The following B3GALT1 variants were observed in gnomAD, a reference collection of about 807,000 sequenced individuals.
The protein encoded by B3GALT1 is beta-1,3-galactosyltransferase 1.
Under a neutral mutation model 23.2 loss-of-function variants are expected in B3GALT1, and 10 were observed. The observed-to-expected ratio is 0.43, with a 90% CI of 0.27 to 0.73. The LOEUF (loss-of-function observed/expected upper bound fraction) is 0.73, where lower values mean the gene tolerates loss of function less well. Ranked by LOEUF, B3GALT1 falls within the 30% of genes least tolerant of loss-of-function variation. The probability of loss-of-function intolerance (pLI) is 0.21; values close to 1 mark genes in which losing one functional copy is unlikely to be tolerated. For missense variants in B3GALT1, 299 were observed against 405.4 expected, an observed-to-expected ratio of 0.74 and a Z score of 2.25; for synonymous variants, 156 against 141.5, an observed-to-expected ratio of 1.10 and a Z score of -0.73.
At chr2:167,599,025 T>C (rs73013389) in intron 2 of B3GALT1, among the ~76,000 whole-genome samples, 1,603 of 152,290 alleles carry the variant, frequency 0.011, 34 homozygotes, top group African/African-American at 0.036. Flanking sequence ...AGAGAGATCA[T>C]CTGGTCCAAA....
rs748943097 is a variant in B3GALT1 at position 167,869,663 on chromosome 2, T to C, written c.624T>C (p.Ile208=). 1 of 1,614,196 alleles carries C rather than the reference T, an allele frequency of 6.2e-7. No homozygotes were observed. Among genetic ancestry groups the C allele is most frequent in the Non-Finnish European group, 8.5e-7 (1 of 1,180,036 alleles). ...PRRRYFTGYV[I]NGGPIRDVRS... is the part of the protein sequence containing the mutation. ...GAAGGTATTTTACTGGCTATGTCAT[T>C]AATGGAGGACCGATTCGGGATGTCC... Residue 208 remains isoleucine (I), a synonymous_variant, in exon 5 of 5, where the codon ATT becomes ATC. Coordinates refer to ENST00000392690, the MANE Select transcript of B3GALT1 (RefSeq NM_020981.4). This position sits in a 1 kb window ranked among gnomAD's most constrained non-coding sequence, Gnocchi z 6.4.
intron 4 of B3GALT1, among the ~76,000 whole-genome samples, chr2:167,850,939 A>T (rs1055721103): frequency 1.3e-5 from 2 of 152,172 alleles, no homozygotes; most frequent in Non-Finnish European, 2.9e-5. Flanking sequence ...GTATCCAAAT[A>T]CCACCTGTGC....
intron 3 of B3GALT1, among the ~76,000 whole-genome samples, chr2:167,747,028 T>C (rs998809150): frequency 2.0e-5 from 3 of 152,304 alleles, no homozygotes; most frequent in East Asian, 1.9e-4. Context: ...CCCTTCCCCA[T>C]ATCGTACCTC....
At chr2:167,367,719 A>C (rs1697611839) in intron 1 of B3GALT1, among the ~76,000 whole-genome samples, 2 of 152,186 alleles carry the variant, frequency 1.3e-5, no homozygotes, top group Non-Finnish European at 2.9e-5. Context: ...ATTTGATCAA[A>C]AATTTGAGCA....
chr2:167,670,388 G>C (rs1027587828), intron 3 of B3GALT1, among the ~76,000 whole-genome samples: 1 of 152,210 alleles, frequency 6.6e-6, no homozygotes, highest in Non-Finnish European at 1.5e-5. Flanking sequence ...CTTTAGCCAA[G>C]CTGATGGTAG....
chr2:167,655,452 T>C (rs991567142), intron 3 of B3GALT1, among the ~76,000 whole-genome samples: 1 of 152,156 alleles, frequency 6.6e-6, no homozygotes, highest in Non-Finnish European at 1.5e-5. Flanking sequence ...CATGCAAATT[T>C]CAAAATTAAC....
chr2:167,614,119 A>T (rs1474547344), intron 2 of B3GALT1, among the ~76,000 whole-genome samples: 3 of 151,832 alleles, frequency 2.0e-5, no homozygotes, highest in Non-Finnish European at 4.4e-5. Context: ...CAAAATTACT[A>T]TTATTTGTGC....
At chr2:167,789,231 G>T (rs1018481963) in intron 3 of B3GALT1, among the ~76,000 whole-genome samples, 6 of 152,122 alleles carry the variant, frequency 3.9e-5, no homozygotes, top group African/African-American at 1.4e-4. Flanking sequence ...TGTCTTTGTG[G>T]CTTTGTCGTA....
chr2:167,685,786 C>T (rs1177289671), intron 3 of B3GALT1, among the ~76,000 whole-genome samples: 2 of 152,140 alleles, frequency 1.3e-5, no homozygotes, highest in African/African-American at 4.8e-5. Context: ...CTCAATGGCC[C>T]CCAAACCCTG....
At chr2:167,836,083 A>G (rs1310550361) in intron 4 of B3GALT1, among the ~76,000 whole-genome samples, 2 of 152,226 alleles carry the variant, frequency 1.3e-5, no homozygotes, top group African/African-American at 4.8e-5. Flanking sequence ...AGATGGGGAA[A>G]AAACAGAGCA....
intron 3 of B3GALT1, among the ~76,000 whole-genome samples, chr2:167,763,362 T>C (rs1323944224): frequency 6.6e-6 from 1 of 152,226 alleles, no homozygotes; most frequent in African/African-American, 2.4e-5. Context: ...CAACTTTGTT[T>C]AATCAGTTTA....
chr2:167,556,258 C>G (rs916532371), intron 2 of B3GALT1, among the ~76,000 whole-genome samples: 1 of 152,038 alleles, frequency 6.6e-6, no homozygotes, highest in African/African-American at 2.4e-5. Context: ...TAAAAAAATA[C>G]TGCTGTAACT....
intron 1 of B3GALT1, among the ~76,000 whole-genome samples, chr2:167,427,945 A>C (rs942989377): frequency 6.6e-5 from 10 of 152,216 alleles, no homozygotes; most frequent in African/African-American, 1.7e-4. Flanking sequence ...AAAAGCAAGA[A>C]ATATTTGCAA....
Position 167,431,868 on chromosome 2 carries a change from G to A in B3GALT1, c.-510-58309G>A, listed in dbSNP as rs973251202. 7.2e-5 allele frequency among the ~76,000 whole-genome samples: 11 copies of A among 152,294 alleles called. 1 individual carries two copies. In the South Asian group the frequency reaches 1.2e-3, roughly 17 times the overall value. Reference sequence around the variant, plus strand: ...ATTCTAAGAAAAATATCTAGAAAGTGTAAAAGTAGGAGAAAATCCACAACA... The same window carrying A: ...ATTCTAAGAAAAATATCTAGAAAGTATAAAAGTAGGAGAAAATCCACAACA... On this transcript the variant is annotated intron_variant, in intron 1 of 4. Transcript: ENST00000392690.
At chr2:167,589,489 G>A (rs891867101) in intron 2 of B3GALT1, among the ~76,000 whole-genome samples, 1 of 152,082 alleles carries the variant, frequency 6.6e-6, no homozygotes, top group Non-Finnish European at 1.5e-5. Context: ...CTTACAAGGT[G>A]TAAGGTAAAG....
chr2:167,316,895 C>A (rs996806218), intron 1 of B3GALT1, among the ~76,000 whole-genome samples: 2 of 152,072 alleles, frequency 1.3e-5, no homozygotes, highest in African/African-American at 4.8e-5. Context: ...ACACACCTTC[C>A]ACAAAATTTT....
intron 1 of B3GALT1, among the ~76,000 whole-genome samples, chr2:167,327,115 T>C (rs2105497504): frequency 6.6e-6 from 1 of 152,268 alleles, no homozygotes; most frequent in Admixed American, 6.5e-5. Context: ...CATTGATCTA[T>C]ATGTTTAATT....
chr2:167,403,882 G>A (rs1354147291), intron 1 of B3GALT1, among the ~76,000 whole-genome samples: 1 of 152,086 alleles, frequency 6.6e-6, no homozygotes, highest in East Asian at 1.9e-4. Flanking sequence ...AAGGGACTAG[G>A]GTTAGGTTTT....
chr2:167,750,590 G>T (rs1687719214), intron 3 of B3GALT1, among the ~76,000 whole-genome samples: 1 of 151,918 alleles, frequency 6.6e-6, no homozygotes, highest in Admixed American at 6.6e-5. Flanking sequence ...CAACCAGGTT[G>T]GTACCTGGGT....
Sources: gnomAD v4.1 joint callset for allele counts (sites outside exome capture counted in the v4.1 genomes callset) on GRCh38, gnomAD v4.1.1 for gene constraint, Gnocchi (gnomAD v3.1) non-coding constraint, MANE v1.5 for transcripts, NCBI Gene and HGNC (gene_info 2026-07-23, HGNC 2026-07-21) for gene names.